AP2M1: variants seen among roughly 807,000 people sequenced by gnomAD.
The protein encoded by AP2M1 is adaptor related protein complex 2 subunit mu 1, also known as AP-2 complex subunit mu.
Under a neutral mutation model 54.5 loss-of-function variants are expected in AP2M1, and 5 were observed. The observed-to-expected ratio is 0.09, with a 90% CI of 0.05 to 0.19. The LOEUF (loss-of-function observed/expected upper bound fraction) is 0.19. AP2M1 is among the 10% of genes least tolerant of loss of function. The pLI is 1.00. For missense variants in AP2M1, 178 were observed against 580.2 expected (o/e 0.31, Z 7.12); for synonymous variants, 186 against 208.2 (o/e 0.89, Z 0.92).
rs1577060803 is a variant in AP2M1, at chr3:184,183,055, C to T, written c.1173+187C>T. Reference sequence around the variant, plus strand: ...GTAGAAATTACTATTTGTGATGAGGCAAATCTTTTACTTCTCTCGGCTTGT... The same window carrying T: ...GTAGAAATTACTATTTGTGATGAGGTAAATCTTTTACTTCTCTCGGCTTGT... On this transcript the variant is annotated intron_variant, in intron 11 of 11. Coordinates refer to ENST00000292807, the MANE Select transcript of AP2M1 (RefSeq NM_004068.4). The surrounding 1 kb of genome is among the most constrained non-coding windows in gnomAD (Gnocchi z 5.7). 2 of 657,878 alleles carry T rather than the reference C, an allele frequency of 3.0e-6. No individual in the cohort carries two copies. The allele number at this position is 657,878 out of a possible 1,614,324, so 40.8% of individuals were successfully genotyped here. A position where few individuals can be genotyped will look rare whatever the true frequency, so the allele number is the denominator to read the frequency against.
intron 2 of AP2M1, chr3:184,177,726 A>G: frequency 9.8e-7 from 1 of 1,016,064 alleles, no homozygotes; most frequent in Non-Finnish European, 1.4e-6. Context: ...CTGCCTTCTC[A>G]TTCTGCGCCC....
chr3:184,182,021 C>A lies in AP2M1; in HGVS notation c.937C>A (p.Pro313Thr). ...GGTGGTCATCAAGTCCAACTTTAAA[C>A]CCTCACTGCTGGCTCAGAAGATCGA... ...VKVVIKSNFK[P>T]SLLAQKIEVR... Residue 313 changes from proline (P) to threonine (T), a missense_variant, in exon 9 of 12, where the codon CCC becomes ACC. Physicochemically the swap from Pro to Thr is conservative, Grantham distance 38 (BLOSUM62 -1). Around this residue, in one of 5 missense-constraint regions of AP2M1, gnomAD observed 59 missense variants for 176.8 expected, o/e 0.33. Transcript: ENST00000292807. The surrounding 1 kb of genome is among the most constrained non-coding windows in gnomAD (Gnocchi z 5.5). The A allele has an allele frequency of 6.2e-7, 1 of 1,614,016 alleles. No individual in the cohort carries two copies. Among genetic ancestry groups the A allele is most frequent in the Non-Finnish European group, 8.5e-7 (1 of 1,179,926 alleles).
At chr3:184,177,169 C>G in intron 2 of AP2M1, 102 bp downstream of exon 2, 3 of 1,181,828 alleles carry the variant, frequency 2.5e-6, no homozygotes, top group Non-Finnish European at 2.4e-6. Flanking sequence ...CTTGGGCCAC[C>G]CTGACCCCTG....
intron 3 of AP2M1, 141 bp downstream of exon 3, chr3:184,179,263 T>A: frequency 9.2e-7 from 1 of 1,086,582 alleles, no homozygotes; most frequent in Non-Finnish European, 1.3e-6. Flanking sequence ...TGGGCTAGGA[T>A]CTCTATGCCC....
chr3:184,181,863 G>A lies in AP2M1; in HGVS notation c.827+48G>A, dbSNP rs1290961560. On this transcript the variant is annotated intron_variant, in intron 8 of 11. Coordinates refer to ENST00000292807, the MANE Select transcript of AP2M1 (RefSeq NM_004068.4). This position sits in a 1 kb window ranked among gnomAD's most constrained non-coding sequence, Gnocchi z 5.7. ...CAGCTAGTGCTGCTGGCAGACTGGG[G>A]AGAGGAAGTGGGTCAGCTCTTTGGT... 1.9e-6 allele frequency: 3 copies of A among 1,614,054 alleles called. No homozygotes were observed. The highest frequency in any genetic ancestry group is 1.7e-6 in the Non-Finnish European group (2 of 1,179,920).
chr3:184,177,687 T>C, intron 2 of AP2M1: 1 of 1,367,976 alleles, frequency 7.3e-7, no homozygotes, highest in Non-Finnish European at 1.0e-6. Flanking sequence ...AGCAGCTCCA[T>C]ATCCTGGGCC....
chr3:184,179,415 GT>G (rs1200261889), intron 3 of AP2M1: 1 of 400,446 alleles, frequency 2.5e-6, no homozygotes, highest in African/African-American at 2.0e-5. Context: ...TCTTTCCTTT[GT>G]GGCTTGGACC....
In AP2M1 at chr3:184,183,285, A is replaced by G; in HGVS notation, c.1174-197A>G. On this transcript the variant is annotated intron_variant, in intron 11 of 11. Transcript: ENST00000292807. This position sits in a 1 kb window ranked among gnomAD's most constrained non-coding sequence, Gnocchi z 5.7. ...TTGCTGTCTCCTGCTGATTAAAGGAACTGATTCAAGGTGTCACAGGTAGGG... is the reference window on the plus strand; with the variant it reads ...TTGCTGTCTCCTGCTGATTAAAGGAGCTGATTCAAGGTGTCACAGGTAGGG... The G allele has an allele frequency of 1.5e-6, 1 of 679,038 alleles. No homozygotes were observed. Among genetic ancestry groups the G allele is most frequent in the South Asian group, 1.9e-5 (1 of 51,796 alleles). The allele number at this position is 679,038 out of a possible 1,614,324, so 42.1% of individuals were successfully genotyped here. A position where few individuals can be genotyped will look rare whatever the true frequency, so the allele number is the denominator to read the frequency against.
intron 2 of AP2M1, chr3:184,177,751 G>C (rs1051688082): frequency 1.2e-6 from 1 of 811,082 alleles, no homozygotes; most frequent in Non-Finnish European, 1.9e-6. Context: ...GCACGCCCTT[G>C]TTCTTTGCGA....
chr3:184,182,934 G>A lies in AP2M1; in HGVS notation c.1173+66G>A, dbSNP rs753467174. ...TGGAAGACCTCTTAGAGATCATTCC[G>A]ATAAACTGCTGCACCTTAGAGGTGA... On this transcript the variant is annotated intron_variant, in intron 11 of 11. Transcript: ENST00000292807. This position sits in a 1 kb window ranked among gnomAD's most constrained non-coding sequence, Gnocchi z 5.5. 10 of 1,380,410 alleles carry A rather than the reference G, an allele frequency of 7.2e-6. No homozygotes were observed. Among genetic ancestry groups the A allele is most frequent in the Middle Eastern group, 1.8e-4 (1 of 5,680 alleles). The allele number at this position is 1,380,410 out of a possible 1,614,324, so 85.5% of individuals were successfully genotyped here.
At chr3:184,179,630 C>T (rs1715202960) in intron 3 of AP2M1, among the ~76,000 whole-genome samples, 1 of 151,540 alleles carries the variant, frequency 6.6e-6, no homozygotes, top group South Asian at 2.1e-4. Flanking sequence ...TTGCCACCCA[C>T]TGGCCATGTG....
rs1014463820 is a variant in AP2M1 at position 184,180,458 on chromosome 3, A to G, written c.424-187A>G. 3.7e-6 allele frequency: 4 copies of G among 1,087,146 alleles called. No homozygotes were observed. The highest frequency in any genetic ancestry group is 5.3e-6 in the Non-Finnish European group (4 of 748,818). 67.3% of individuals were successfully genotyped at this position (1,087,146 alleles called of 1,614,324 possible). ...CAATTCAGCATCTCTATTACCAGGA[A>G]TACAGCTCAAGCAGTTTCCTTTTGC... On this transcript the variant is annotated intron_variant, in intron 4 of 11. Transcript: ENST00000292807. This position sits in a 1 kb window ranked among gnomAD's most constrained non-coding sequence, Gnocchi z 4.9.
rs1271028018 is a variant in AP2M1, at chr3:184,182,333, G to A, written c.1061+85G>A. 3.0e-5 allele frequency: 42 copies of A among 1,420,966 alleles called. 1 individual carries two copies. In the South Asian group the frequency reaches 5.1e-4, roughly 17 times the overall value. 88.0% of individuals were successfully genotyped at this position (1,420,966 alleles called of 1,614,324 possible). ...TTCAGCTTTGATCCTTCTGAATGAGGGGCAGGGGAGTGTGCCTGTTTGCTT... is the reference window on the plus strand; with the variant it reads ...TTCAGCTTTGATCCTTCTGAATGAGAGGCAGGGGAGTGTGCCTGTTTGCTT... On this transcript the variant is annotated intron_variant, in intron 10 of 11. Coordinates refer to ENST00000292807, the MANE Select transcript of AP2M1 (RefSeq NM_004068.4). The surrounding 1 kb of genome is among the most constrained non-coding windows in gnomAD (Gnocchi z 5.5).
rs1267025944 is a variant in AP2M1, at chr3:184,177,658, A to C, written c.74+591A>C. The C allele has an allele frequency of 4.7e-6, 7 of 1,496,530 alleles. No individual in the cohort carries two copies. In the Admixed American group the frequency reaches 1.2e-4, roughly 25 times the overall value. The allele number at this position is 1,496,530 out of a possible 1,614,324, so 92.7% of individuals were successfully genotyped here. On this transcript the variant is annotated intron_variant, in intron 2 of 11. Coordinates refer to ENST00000292807, the MANE Select transcript of AP2M1 (RefSeq NM_004068.4). ...TGTGGGAGGGCAGGGAAGCCATGCT[A>C]CCCTCTCAGTAGACCCAGAGCAGCT...
At chr3:184,175,790 G>T (rs55874609) in intron 1 of AP2M1, among the ~76,000 whole-genome samples, 44,189 of 151,844 alleles carry the variant, frequency 0.29, 7,446 homozygotes, top group African/African-American at 0.45. Context: ...TGGACTTGGT[G>T]CTTTGCCCCA....
At position 184,178,353 on chromosome 3, in the gene AP2M1, T is replaced by G; in HGVS notation, c.75-504T>G. ...TCCTGGGCAAGAATGGGTAGCACAA[T>G]TCCATGGCCCCTTGGTACTTCTCCC... On this transcript the variant is annotated intron_variant, in intron 2 of 11. Transcript: ENST00000292807. The surrounding 1 kb of genome is among the most constrained non-coding windows in gnomAD (Gnocchi z 4.9). 8.4e-7 allele frequency: 1 copy of G among 1,192,364 alleles called. No individual in the cohort carries two copies. The highest frequency in any genetic ancestry group is 1.2e-6 in the Non-Finnish European group (1 of 833,566). The allele number at this position is 1,192,364 out of a possible 1,614,324, so 73.9% of individuals were successfully genotyped here. A position where few individuals can be genotyped will look rare whatever the true frequency, so the allele number is the denominator to read the frequency against.
At chr3:184,177,711 A>G (rs373028595) in intron 2 of AP2M1, 16 of 1,152,526 alleles carry the variant, frequency 1.4e-5, no homozygotes, top group Admixed American at 6.5e-5. Flanking sequence ...ACACAGAGCC[A>G]CAGCCTGCCT....
In AP2M1 at chr3:184,182,894, C is replaced by T. The variant is rs1166892145; in HGVS notation, c.1173+26C>T. On this transcript the variant is annotated intron_variant, in intron 11 of 11. Coordinates refer to ENST00000292807, the MANE Select transcript of AP2M1 (RefSeq NM_004068.4). This position sits in a 1 kb window ranked among gnomAD's most constrained non-coding sequence, Gnocchi z 5.5. ...GTATGGCAGAGGAGGGGCCTAGAGT[C>T]ATGCCAGGGTATGCTGGAAGACCTC... is the stretch of plus-strand genomic sequence containing the variant. 1 of 1,586,452 alleles carries T rather than the reference C, an allele frequency of 6.3e-7. No individual in the cohort carries two copies. Among genetic ancestry groups the T allele is most frequent in the Non-Finnish European group, 8.7e-7 (1 of 1,155,916 alleles).
At chr3:184,177,928 G>A (rs970757116) in intron 2 of AP2M1, 37 of 599,236 alleles carry the variant, frequency 6.2e-5, no homozygotes, top group Non-Finnish European at 8.9e-5. Flanking sequence ...CCTTGCGGGC[G>A]TTTGTCCATT....
Sources: gnomAD v4.1 joint callset for allele counts (sites outside exome capture counted in the v4.1 genomes callset) on GRCh38, gnomAD v4.1.1 for gene constraint, gnomAD v4.1.1 regional missense constraint, Gnocchi (gnomAD v3.1) non-coding constraint, MANE v1.5 for transcripts, NCBI Gene and HGNC (gene_info 2026-07-23, HGNC 2026-07-21) for gene names.